Variants in AGBL4 observed in about 807,000 individuals in gnomAD.
The protein encoded by AGBL4 is cytosolic carboxypeptidase 6.
AGBL4 carries 58 observed loss-of-function variants against 66.4 expected under a neutral mutation model. The ratio of observed to expected loss-of-function variants is 0.87; its 90% CI spans 0.71 to 1.09. The LOEUF is 1.09. AGBL4 is among the 50% of genes least tolerant of loss of function. The probability of loss-of-function intolerance (pLI) is 0.00; values close to 1 mark genes in which losing one functional copy is unlikely to be tolerated. For synonymous variants in AGBL4, 234 were observed against 222.9 expected, an observed-to-expected ratio of 1.05 and a Z score of -0.44; for missense variants, 579 against 631.0, an observed-to-expected ratio of 0.92 and a Z score of 0.88.
intron 3 of AGBL4, among the ~76,000 whole-genome samples, chr1:49,310,632 G>A (rs987830698): frequency 1.3e-5 from 2 of 151,978 alleles, no homozygotes; most frequent in Non-Finnish European, 2.9e-5. Flanking sequence ...ATTTGATTAA[G>A]GAAGAAAGAT....
chr1:48,770,674 G>A (rs1644772933), intron 6 of AGBL4, among the ~76,000 whole-genome samples: 1 of 152,110 alleles, frequency 6.6e-6, no homozygotes, highest in Non-Finnish European at 1.5e-5. Flanking sequence ...GGGCCCTTAA[G>A]ATTCGACAGG....
At chr1:49,383,607 G>C (rs1317259541) in intron 3 of AGBL4, among the ~76,000 whole-genome samples, 1 of 151,968 alleles carries the variant, frequency 6.6e-6, no homozygotes, top group Non-Finnish European at 1.5e-5. Flanking sequence ...AAAAAAATGA[G>C]ATTGGACACT....
chr1:49,573,059 A>C (rs1644362842), intron 3 of AGBL4, among the ~76,000 whole-genome samples: 1 of 152,004 alleles, frequency 6.6e-6, no homozygotes, highest in Admixed American at 6.6e-5. Context: ...TCAAGCCTAC[A>C]CACAAGTTAT....
intron 2 of AGBL4, among the ~76,000 whole-genome samples, chr1:49,779,630 C>T (rs574290829): frequency 1.2e-4 from 19 of 152,216 alleles, no homozygotes; most frequent in Middle Eastern, 3.4e-3. Context: ...CACATACACA[C>T]GAGTATGGCT....
intron 1 of AGBL4, among the ~76,000 whole-genome samples, chr1:50,000,631 T>C (rs1660678554): frequency 1.3e-5 from 2 of 152,164 alleles, no homozygotes; most frequent in Admixed American, 6.5e-5. Context: ...GGCACGTTTA[T>C]AGCAACACAA....
chr1:49,560,555 T>C (rs1295713734), intron 3 of AGBL4, among the ~76,000 whole-genome samples: 1 of 152,104 alleles, frequency 6.6e-6, no homozygotes, highest in Non-Finnish European at 1.5e-5. Context: ...GAAAGTTTAT[T>C]CAAAGAGATA....
intron 5 of AGBL4, among the ~76,000 whole-genome samples, chr1:48,889,806 G>T (rs1650747242): frequency 6.6e-6 from 1 of 152,170 alleles, no homozygotes; most frequent in Non-Finnish European, 1.5e-5. Flanking sequence ...CCTATAGCAG[G>T]CAACTGTAAC....
chr1:49,883,222 TAGCGATTCCAC>T (rs1374226228), intron 1 of AGBL4, among the ~76,000 whole-genome samples: 2 of 152,178 alleles, frequency 1.3e-5, no homozygotes, highest in Non-Finnish European at 2.9e-5. Flanking sequence ...GTTATGTTTA[TAGCGATTCCAC>T]ACACAAATAC....
At chr1:48,926,374 G>A (rs980153473) in intron 5 of AGBL4, among the ~76,000 whole-genome samples, 1 of 151,884 alleles carries the variant, frequency 6.6e-6, no homozygotes, top group Non-Finnish European at 1.5e-5. Flanking sequence ...CTGCCTCCAG[G>A]GTTCAAACAA....
At chr1:48,977,181 T>C (rs1347328434) in intron 5 of AGBL4, among the ~76,000 whole-genome samples, 1 of 152,194 alleles carries the variant, frequency 6.6e-6, no homozygotes, top group African/African-American at 2.4e-5. Context: ...GCCAGAACTC[T>C]AGATTTTAAT....
chr1:49,004,946 C>A (rs887975141), intron 5 of AGBL4, among the ~76,000 whole-genome samples: 10 of 152,108 alleles, frequency 6.6e-5, no homozygotes, highest in Non-Finnish European at 1.3e-4. Flanking sequence ...GAGTTTAGAG[C>A]AAGATGTTTG....
chr1:49,967,616 A>G (rs1052431110), intron 1 of AGBL4, among the ~76,000 whole-genome samples: 1 of 152,146 alleles, frequency 6.6e-6, no homozygotes, highest in Non-Finnish European at 1.5e-5. Flanking sequence ...TACCTATGTA[A>G]CAAAACTGCA....
At chr1:49,776,456 C>T (rs1479846085) in intron 2 of AGBL4, among the ~76,000 whole-genome samples, 3 of 152,092 alleles carry the variant, frequency 2.0e-5, no homozygotes, top group African/African-American at 7.2e-5. Flanking sequence ...GAATCTTTAA[C>T]ACTGTTCAGA....
At chr1:48,978,227 A>G (rs1659494446) in intron 5 of AGBL4, among the ~76,000 whole-genome samples, 1 of 152,192 alleles carries the variant, frequency 6.6e-6, no homozygotes, top group Admixed American at 6.5e-5. Flanking sequence ...TGTGTCCGTT[A>G]TTCACCTACT....
At chr1:49,081,739 C>G in intron 4 of AGBL4, among the ~76,000 whole-genome samples, 1 of 152,206 alleles carries the variant, frequency 6.6e-6, no homozygotes, top group Non-Finnish European at 1.5e-5. Context: ...TTTTCCAAGT[C>G]TTAGCATAGT....
intron 7 of AGBL4, among the ~76,000 whole-genome samples, chr1:48,655,767 T>C (rs754668030): frequency 2.0e-5 from 3 of 152,222 alleles, no homozygotes; most frequent in Admixed American, 6.5e-5. Flanking sequence ...GAGACAAGGA[T>C]ACCGAATGGT....
intron 1 of AGBL4, among the ~76,000 whole-genome samples, chr1:50,011,813 A>G (rs921574592): frequency 1.3e-5 from 2 of 152,246 alleles, no homozygotes; most frequent in Non-Finnish European, 2.9e-5. Flanking sequence ...GTTCTCACTT[A>G]TATGTGGGAT....
At chr1:48,789,273 C>T (rs1446880477) in intron 6 of AGBL4, among the ~76,000 whole-genome samples, 3 of 130,060 alleles carry the variant, frequency 2.3e-5, no homozygotes, top group Non-Finnish European at 4.9e-5. Context: ...ATTCTTGCTG[C>T]GTGGATATAT....
intron 1 of AGBL4, among the ~76,000 whole-genome samples, chr1:50,012,163 C>G (rs1196175351): frequency 8.6e-6 from 1 of 115,978 alleles, no homozygotes; most frequent in African/African-American, 3.4e-5. Context: ...GAGACTCCGT[C>G]TCAAAAAAAA....
Sources: allele counts gnomAD v4.1 joint callset (sites outside exome capture counted in the v4.1 genomes callset), GRCh38; gene constraint gnomAD v4.1.1; transcripts MANE v1.5; gene names NCBI Gene and HGNC (gene_info 2026-07-23, HGNC 2026-07-21).